The following ATE1 variants were observed in gnomAD, a reference collection of about 807,000 sequenced individuals.
ATE1 encodes arginyltransferase 1, also known as arginyl-tRNA--protein transferase 1.
In ATE1, 36 loss-of-function variants were observed where a neutral mutation model predicts 70.5. That is an observed-to-expected ratio of 0.51 (90% CI 0.39 to 0.67). The LOEUF (loss-of-function observed/expected upper bound fraction) is 0.67, where lower values mean the gene tolerates loss of function less well. Among genes scored for constraint, ATE1 ranks in the 30% least tolerant of loss-of-function variants. The pLI is 0.00. For missense variants in ATE1, 593 were observed against 629.5 expected (o/e 0.94, Z 0.62); for synonymous variants, 232 against 219.3 (o/e 1.06, Z -0.51).
intron 7 of ATE1, among the ~76,000 whole-genome samples, chr10:121,875,637 A>G (rs1396050421): frequency 1.3e-5 from 2 of 152,054 alleles, no homozygotes; most frequent in African/African-American, 4.8e-5. Flanking sequence ...AAAGGATTTC[A>G]GCCAAACCAC....
intron 10 of ATE1, among the ~76,000 whole-genome samples, chr10:121,814,329 T>C (rs1002439192): frequency 4.6e-5 from 7 of 152,194 alleles, no homozygotes; most frequent in Non-Finnish European, 8.8e-5. Context: ...CAAAGGAATC[T>C]GGATTTAAGA....
In ATE1 at chr10:121,760,750, T is replaced by C. The variant is rs1371607671; in HGVS notation, c.1379-16892A>G. The stretch of plus-strand genomic sequence containing the variant: ...AGCAGCATGATCTGAGAAGACTGAC[T>C]CCAATTCTGAAAGAAGTTCTACTGC... On this transcript the variant is annotated intron_variant, in intron 11 of 11. Transcript: ENST00000224652. 2.6e-5 allele frequency among the ~76,000 whole-genome samples: 4 copies of C among 152,194 alleles called. No homozygotes were observed. In the East Asian group the frequency reaches 7.7e-4, roughly 29 times the overall value.
intron 9 of ATE1, among the ~76,000 whole-genome samples, chr10:121,840,539 AAG>A: frequency 6.6e-6 from 1 of 152,258 alleles, no homozygotes; most frequent in South Asian, 2.1e-4. Flanking sequence ...TAAGGAATAT[AAG>A]TAGTTCTGAA....
chr10:121,788,379 C>T (rs555701915), intron 11 of ATE1, among the ~76,000 whole-genome samples: 1 of 152,310 alleles, frequency 6.6e-6, no homozygotes, highest in East Asian at 1.9e-4. Flanking sequence ...AAAACAGGGG[C>T]TAATGCCAGG....
chr10:121,820,696 C>T (rs1423813706), intron 10 of ATE1, among the ~76,000 whole-genome samples: 1 of 152,132 alleles, frequency 6.6e-6, no homozygotes, highest in Non-Finnish European at 1.5e-5. Context: ...GTATTTTGCC[C>T]ATTTAATGGA....
At chr10:121,774,833 ACC>A (rs11290917) in intron 11 of ATE1, among the ~76,000 whole-genome samples, 4 of 151,824 alleles carry the variant, frequency 2.6e-5, no homozygotes, top group South Asian at 2.1e-4. Context: ...CAATTAAATG[ACC>A]CCCCCCAAAA....
intron 5 of ATE1, among the ~76,000 whole-genome samples, chr10:121,905,398 T>A (rs969623633): frequency 1.3e-5 from 2 of 152,172 alleles, no homozygotes; most frequent in African/African-American, 4.8e-5. Flanking sequence ...AATTTAAAAC[T>A]AACATGAACT....
intron 11 of ATE1, among the ~76,000 whole-genome samples, chr10:121,783,044 A>G (rs988816871): frequency 6.6e-6 from 1 of 152,158 alleles, no homozygotes; most frequent in African/African-American, 2.4e-5. Context: ...CCTCTAGGGA[A>G]CCCTAATACA....
intron 8 of ATE1, among the ~76,000 whole-genome samples, chr10:121,864,111 A>T (rs1020988253): frequency 3.3e-5 from 5 of 152,208 alleles, no homozygotes; most frequent in African/African-American, 9.7e-5. Flanking sequence ...ACTAAAATTT[A>T]AAAAATTTAA....
At chr10:121,773,141 G>A (rs1945590259) in intron 11 of ATE1, among the ~76,000 whole-genome samples, 1 of 152,116 alleles carries the variant, frequency 6.6e-6, no homozygotes, top group African/African-American at 2.4e-5. Flanking sequence ...GCTTTCGTTA[G>A]TTTACATTTA....
intron 10 of ATE1, among the ~76,000 whole-genome samples, chr10:121,799,423 C>T (rs1423022914): frequency 6.6e-6 from 1 of 150,704 alleles, no homozygotes; most frequent in African/African-American, 2.4e-5. Flanking sequence ...GGCCAAGTAG[C>T]ACCATGTTTA....
chr10:121,773,479 C>G (rs2135896819), intron 11 of ATE1, among the ~76,000 whole-genome samples: 1 of 152,324 alleles, frequency 6.6e-6, no homozygotes, highest in South Asian at 2.1e-4. Context: ...TCAGTTCTAA[C>G]AGAGTTTGAC....
At chr10:121,918,369 A>G (rs1951743241) in intron 3 of ATE1, among the ~76,000 whole-genome samples, 1 of 152,160 alleles carries the variant, frequency 6.6e-6, no homozygotes, top group Non-Finnish European at 1.5e-5. Flanking sequence ...AATGAATTAC[A>G]AAGAGACGCA....
chr10:121,891,391 C>T (rs1209965364), intron 7 of ATE1, among the ~76,000 whole-genome samples: 3 of 151,944 alleles, frequency 2.0e-5, no homozygotes, highest in Admixed American at 2.0e-4. Context: ...CACATGGTGG[C>T]GACAGGAAAA....
intron 10 of ATE1, among the ~76,000 whole-genome samples, chr10:121,828,725 T>G (rs754268109): frequency 2.0e-5 from 3 of 152,082 alleles, no homozygotes; most frequent in Non-Finnish European, 4.4e-5. Flanking sequence ...GTGGACAGCT[T>G]TGAAAACCAT....
At position 121,913,812 on chromosome 10, in the gene ATE1, C is replaced by T. The variant is rs1356062166; in HGVS notation, c.315G>A (p.Glu105=). Residue 105 remains glutamate (E), a synonymous_variant, in exon 4 of 12, where the codon GAG becomes GAA. Coordinates refer to ENST00000224652, the MANE Select transcript of ATE1 (RefSeq NM_001001976.3). ...TACCCTCACAACTTCCTTTGGGAAC[C>T]TCCCCTTTAGCTAGAAATTTCAACA... ...KKMLKFLAKG[E]VPKGSCEDEP... is the part of the protein sequence containing the mutation. 4.3e-6 allele frequency: 7 copies of T among 1,612,424 alleles called. No homozygotes were observed. The highest frequency in any genetic ancestry group is 1.1e-5 in the South Asian group (1 of 90,924).
intron 11 of ATE1, among the ~76,000 whole-genome samples, chr10:121,756,284 T>G (rs1346980433): frequency 6.6e-6 from 1 of 152,220 alleles, no homozygotes; most frequent in East Asian, 1.9e-4. Context: ...GCTCCGCCCC[T>G]GTGGCTTTTC....
chr10:121,877,100 G>C (rs1399064712), intron 7 of ATE1, among the ~76,000 whole-genome samples: 2 of 151,862 alleles, frequency 1.3e-5, no homozygotes, highest in African/African-American at 4.8e-5. Context: ...ACCCACCAAA[G>C]AAAGACTCTG....
At chr10:121,791,096 A>ATTTTTT (rs10584053) in intron 10 of ATE1, among the ~76,000 whole-genome samples, 10 of 94,422 alleles carry the variant, frequency 1.1e-4, no homozygotes, top group South Asian at 8.9e-4. Context: ...GTGTATATAT[A>ATTTTTT]TTTTTTTTTT....
Sources: allele counts gnomAD v4.1 joint callset (sites outside exome capture counted in the v4.1 genomes callset), GRCh38; gene constraint gnomAD v4.1.1; transcripts MANE v1.5; gene names NCBI Gene and HGNC (gene_info 2026-07-23, HGNC 2026-07-21).